The following TMEM132D variants were observed in gnomAD, a reference collection of about 807,000 sequenced individuals.
TMEM132D encodes mature OL transmembrane protein.
Under a neutral mutation model 62.3 loss-of-function variants are expected in TMEM132D, and 21 were observed. The ratio of observed to expected loss-of-function variants is 0.34; its 90% CI spans 0.24 to 0.49. The LOEUF is 0.49. TMEM132D is among the 20% of genes least tolerant of loss of function. TMEM132D has a pLI of 0.99. For missense variants in TMEM132D, 1,346 were observed against 1,402.8 expected (o/e 0.96, Z 0.65); for synonymous variants, 621 against 575.6 (o/e 1.08, Z -1.13).
chr12:129,327,640 G>A (rs965193277), intron 4 of TMEM132D, among the ~76,000 whole-genome samples: 2 of 152,104 alleles, frequency 1.3e-5, no homozygotes, highest in Non-Finnish European at 2.9e-5. Context: ...GCAAGTGCTG[G>A]TGCTATACTT....
intron 2 of TMEM132D, among the ~76,000 whole-genome samples, chr12:129,574,878 C>G (rs1051738502): frequency 6.6e-6 from 1 of 151,674 alleles, no homozygotes; most frequent in Admixed American, 6.6e-5. Context: ...GCAGCCAGGT[C>G]AAAATGATGG....
intron 5 of TMEM132D, among the ~76,000 whole-genome samples, chr12:129,148,626 C>T (rs757638959): frequency 8.5e-5 from 13 of 152,212 alleles, no homozygotes; most frequent in Non-Finnish European, 1.6e-4. Flanking sequence ...GGACTTCTGA[C>T]TTCCAGATCT....
Position 129,749,725 on chromosome 12 carries a change from A to G in TMEM132D, c.80-49027T>C, listed in dbSNP as rs189658437. Among the ~76,000 whole-genome samples the G allele has an allele frequency of 4.6e-5, 7 of 152,122 alleles. No individual in the cohort carries two copies. The East Asian group carries it at 1.4e-3, about 30-fold the overall frequency. ...AATGATCTGCCCGCCTCGGCCTCCC[A>G]AAGTGCTGGGATTACAGGCATGAGC... On this transcript the variant is annotated intron_variant, in intron 1 of 8. Transcript: ENST00000422113.
chr12:129,356,320 C>A (rs945024244), intron 3 of TMEM132D, among the ~76,000 whole-genome samples: 1 of 69,898 alleles, frequency 1.4e-5, no homozygotes, highest in Non-Finnish European at 2.9e-5. Flanking sequence ...CTACGCCCGG[C>A]TAATTTTTTT....
intron 1 of TMEM132D, among the ~76,000 whole-genome samples, chr12:129,815,003 CTGTT>C: frequency 1.3e-5 from 2 of 152,254 alleles, no homozygotes; most frequent in East Asian, 3.9e-4. Context: ...ACTTTTTTAT[CTGTT>C]TGTAAATCTG....
intron 1 of TMEM132D, among the ~76,000 whole-genome samples, chr12:129,749,380 T>C (rs901909819): frequency 6.6e-6 from 1 of 152,134 alleles, no homozygotes; most frequent in African/African-American, 2.4e-5. Context: ...TTTCATGAAC[T>C]GTCATTAATC....
chr12:129,468,554 C>T (rs1873993153), intron 3 of TMEM132D, among the ~76,000 whole-genome samples: 1 of 96,628 alleles, frequency 1.0e-5, no homozygotes, highest in African/African-American at 3.9e-5. Flanking sequence ...TGAAGTCCTT[C>T]AGTCAATAAG....
intron 4 of TMEM132D, among the ~76,000 whole-genome samples, chr12:129,252,851 C>A (rs1464843864): frequency 2.6e-5 from 4 of 152,044 alleles, no homozygotes; most frequent in Non-Finnish European, 4.4e-5. Flanking sequence ...CCATGGAATA[C>A]TATGCAGCCA....
At chr12:129,646,111 C>A (rs1261994867) in intron 2 of TMEM132D, among the ~76,000 whole-genome samples, 1 of 152,166 alleles carries the variant, frequency 6.6e-6, no homozygotes, top group Non-Finnish European at 1.5e-5. Flanking sequence ...TCTGTTGGCT[C>A]GTACTTGAAT....
intron 1 of TMEM132D, among the ~76,000 whole-genome samples, chr12:129,732,180 A>G (rs936942584): frequency 2.6e-5 from 4 of 152,130 alleles, no homozygotes; most frequent in Non-Finnish European, 5.9e-5. Context: ...CTCAGATCGC[A>G]TGGGGAAGCC....
At chr12:129,093,383 A>T (rs898936538) in intron 5 of TMEM132D, among the ~76,000 whole-genome samples, 1 of 152,138 alleles carries the variant, frequency 6.6e-6, no homozygotes, top group Non-Finnish European at 1.5e-5. Flanking sequence ...ATTCTTATAC[A>T]CCAATAACAG....
rs534047560 is a variant in TMEM132D at position 129,488,200 on chromosome 12, G to A, written c.1115+42859C>T. 2.6e-5 allele frequency among the ~76,000 whole-genome samples: 4 copies of A among 152,224 alleles called. No homozygotes were observed. The South Asian group carries it at 8.3e-4, about 32-fold the overall frequency. ...GTTGCTGTTCTTTATAAATAACATG[G>A]TCTGTGGAACTTTGTTACAGCAACA... On this transcript the variant is annotated intron_variant, in intron 3 of 8. Transcript: ENST00000422113.
At chr12:129,810,620 G>A (rs1458456164) in intron 1 of TMEM132D, among the ~76,000 whole-genome samples, 3 of 151,632 alleles carry the variant, frequency 2.0e-5, no homozygotes, top group African/African-American at 7.3e-5. Context: ...AAAGTAGAGC[G>A]GCCCCCAAAA....
chr12:129,883,270 A>G (rs1283031567), intron 1 of TMEM132D, among the ~76,000 whole-genome samples: 2 of 152,210 alleles, frequency 1.3e-5, no homozygotes, highest in Non-Finnish European at 2.9e-5. Context: ...TTTAAAGAAT[A>G]TTATTCCCCA....
rs1315612106 is a variant in TMEM132D at position 129,662,788 on chromosome 12, T to C, written c.968+37022A>G. ...AGCCTGGCGACAGAGCAAGATTCCA[T>C]CTCAAAAAAAAAAAAAAAAAAAAAA... is the stretch of plus-strand genomic sequence containing the variant. On this transcript the variant is annotated intron_variant, in intron 2 of 8. Coordinates refer to ENST00000422113, the MANE Select transcript of TMEM132D (RefSeq NM_133448.3). Among the ~76,000 whole-genome samples the C allele has an allele frequency of 1.5e-4, 7 of 45,442 alleles. No individual in the cohort carries two copies. In the South Asian group the frequency reaches 5.7e-3, roughly 37 times the overall value. 29.8% of individuals were successfully genotyped at this position (45,442 alleles called of 152,430 possible). A position where few individuals can be genotyped will look rare whatever the true frequency, so the allele number is the denominator to read the frequency against.
intron 2 of TMEM132D, among the ~76,000 whole-genome samples, chr12:129,620,073 G>A (rs955102355): frequency 2.6e-5 from 4 of 152,074 alleles, no homozygotes; most frequent in Non-Finnish European, 5.9e-5. Flanking sequence ...AGTGATCCAC[G>A]GGTTGCTGTC....
chr12:129,490,490 G>T (rs1874743233), intron 3 of TMEM132D, among the ~76,000 whole-genome samples: 1 of 134,810 alleles, frequency 7.4e-6, no homozygotes, highest in Non-Finnish European at 1.5e-5. Flanking sequence ...GTGCAGTGGC[G>T]CGATCTCGGC....
chr12:129,599,707 C>G (rs1465256138), intron 2 of TMEM132D, among the ~76,000 whole-genome samples: 2 of 152,156 alleles, frequency 1.3e-5, no homozygotes, highest in Non-Finnish European at 2.9e-5. Context: ...TAAAGTGAGT[C>G]ACACATTTTT....
intron 5 of TMEM132D, among the ~76,000 whole-genome samples, chr12:129,194,165 T>C (rs1024032821): frequency 2.2e-4 from 34 of 152,210 alleles, no homozygotes; most frequent in Admixed American, 2.2e-3. Flanking sequence ...TCCCATTTTT[T>C]TCCTCTCCAT....
Sources: gnomAD v4.1 joint callset for allele counts (sites outside exome capture counted in the v4.1 genomes callset) on GRCh38, gnomAD v4.1.1 for gene constraint, MANE v1.5 for transcripts, NCBI Gene and HGNC (gene_info 2026-07-23, HGNC 2026-07-21) for gene names.